Variants in SYTL5 observed in about 807,000 individuals in gnomAD.
SYTL5 encodes synaptotagmin like 5.
In SYTL5, 34 loss-of-function variants were observed where a neutral mutation model predicts 55.9. That is an observed-to-expected ratio of 0.61 (90% confidence interval 0.46 to 0.81). The LOEUF is 0.81. SYTL5 is among the 30% of genes least tolerant of loss of function. The pLI is 0.00. For synonymous variants in SYTL5, 221 were observed against 188.7 expected (o/e 1.17, Z -1.40); for missense variants, 637 against 546.7 (o/e 1.17, Z -1.65).
chrX:38,062,751 A>G (rs1477417894), intron 3 of SYTL5, among the ~76,000 whole-genome samples: 1 of 111,893 alleles, frequency 8.9e-6, no homozygotes, highest in Non-Finnish European at 1.9e-5. Flanking sequence ...TAAACAAAAC[A>G]AGAACACTTT....
chrX:37,942,016 C>T, the SYTL5 span, among the ~76,000 whole-genome samples: 1 of 111,461 alleles, frequency 9.0e-6, no homozygotes, highest in African/African-American at 3.3e-5. Context: ...CATTAAAAGT[C>T]GTTAGTGGTA....
At position 38,126,842 on chromosome X, in the gene SYTL5, T is replaced by C; in HGVS notation, c.*112T>C. On this transcript the variant is annotated 3_prime_UTR_variant, in exon 17 of 17. Transcript: ENST00000297875. ...TTCCCTGCCATTTCTCACCTGACAG[T>C]GTTGGGACATGAGGGGAGAGATGTC... is the stretch of plus-strand genomic sequence containing the variant. 3 of 794,520 alleles carry C rather than the reference T, an allele frequency of 3.8e-6. No homozygotes were observed. Among genetic ancestry groups the C allele is most frequent in the Non-Finnish European group, 5.3e-6 (3 of 565,216 alleles). 65.5% of individuals were successfully genotyped at this position (794,520 alleles called of 1,213,427 possible).
chrX:37,988,045 A>G, the SYTL5 span, among the ~76,000 whole-genome samples: 3 of 112,123 alleles, frequency 2.7e-5, no homozygotes, highest in Non-Finnish European at 3.8e-5. Flanking sequence ...GTTGCCTTAT[A>G]TGGAAAAAGA....
At chrX:37,978,055 C>T in the SYTL5 span, among the ~76,000 whole-genome samples, 2 of 111,485 alleles carry the variant, frequency 1.8e-5, no homozygotes, top group African/African-American at 6.5e-5. Flanking sequence ...CTAGTGCAAT[C>T]ACATTTTTGA....
intron 13 of SYTL5, among the ~76,000 whole-genome samples, chrX:38,119,098 G>A (rs1441221336): frequency 9.1e-6 from 1 of 109,819 alleles, no homozygotes; most frequent in Admixed American, 9.7e-5. Context: ...ACAGGCATGA[G>A]CCACTACACC....
chrX:38,099,170 T>C (rs73632459), intron 9 of SYTL5, among the ~76,000 whole-genome samples: 26 of 111,172 alleles, frequency 2.3e-4, no homozygotes, highest in African/African-American at 8.4e-4. Flanking sequence ...TATAAAGTTG[T>C]GGGAGAAAAA....
chrX:37,991,930 A>C, the SYTL5 span, among the ~76,000 whole-genome samples: 1 of 112,344 alleles, frequency 8.9e-6, no homozygotes, highest in Admixed American at 9.4e-5. Context: ...TCCTCTCTTC[A>C]GGACACTGGT....
chrX:37,908,584 T>A, the SYTL5 span, among the ~76,000 whole-genome samples: 3 of 111,745 alleles, frequency 2.7e-5, no homozygotes, highest in Non-Finnish European at 5.6e-5. Context: ...CGTATCAATG[T>A]TCTGGCCAAG....
rs760067705 is a variant in SYTL5 at position 38,033,915 on chromosome X, A to G, written c.26A>G (p.Asn9Ser). 5.0e-6 allele frequency: 6 copies of G among 1,192,663 alleles called. No individual in the cohort carries two copies. In the Admixed American group the frequency reaches 1.3e-4, roughly 26 times the overall value. MSKNSEFI[N>S]LSFLLDHEKE... ...ATGTCTAAGAACTCAGAGTTCATCA[A>G]TCTGTCATTTTTATTAGATCATGAG... is the stretch of plus-strand genomic sequence containing the variant. The change falls in exon 2 of 17, where the codon AAT becomes AGT. Residue 9 changes from asparagine to serine, a missense_variant. By Grantham distance (46) the Asn-to-Ser change is conservative. Transcript: ENST00000297875.
At chrX:37,894,795 A>T in the SYTL5 span, among the ~76,000 whole-genome samples, 1 of 64,156 alleles carries the variant, frequency 1.6e-5, no homozygotes, top group Non-Finnish European at 2.9e-5. Context: ...AAAAAGGTGG[A>T]GGAAGGGTGA....
intron 1 of SYTL5, among the ~76,000 whole-genome samples, chrX:38,019,225 A>G (rs1934459670): frequency 8.9e-6 from 1 of 112,298 alleles, no homozygotes; most frequent in Non-Finnish European, 1.9e-5. Flanking sequence ...CTAAGAAAAC[A>G]TTCCTGAAGA....
chrX:37,969,749 T>G, the SYTL5 span, among the ~76,000 whole-genome samples: 1 of 111,253 alleles, frequency 9.0e-6, no homozygotes, highest in Non-Finnish European at 1.9e-5. Flanking sequence ...TCTCCAAGCC[T>G]CAGCCTCCTG....
At chrX:37,985,849 A>G in the SYTL5 span, among the ~76,000 whole-genome samples, 4 of 112,006 alleles carry the variant, frequency 3.6e-5, no homozygotes, top group African/African-American at 1.3e-4. Context: ...AATCAAATTG[A>G]GAGTCCAGAA....
At chrX:38,034,800 T>C (rs984916433) in intron 2 of SYTL5, among the ~76,000 whole-genome samples, 3 of 111,926 alleles carry the variant, frequency 2.7e-5, no homozygotes, top group African/African-American at 9.8e-5. Context: ...TCCACTGTGA[T>C]TGGCTGCTGC....
chrX:38,108,713 G>T lies in SYTL5; in HGVS notation c.1434+14G>T, dbSNP rs976692747. On this transcript the variant is annotated intron_variant, in intron 12 of 16. Coordinates refer to ENST00000297875, the MANE Select transcript of SYTL5 (RefSeq NM_138780.3). ...GAAACACTAAAGGTAAATAAATACG[G>T]TCTCATAGTAACTCATGTGGTACTG... 4 of 1,075,902 alleles carry T rather than the reference G, an allele frequency of 3.7e-6. No individual in the cohort carries two copies. Among genetic ancestry groups the T allele is most frequent in the Non-Finnish European group, 5.1e-6 (4 of 782,803 alleles). The allele number at this position is 1,075,902 out of a possible 1,213,427, so 88.7% of individuals were successfully genotyped here. A position where few individuals can be genotyped will look rare whatever the true frequency, so the allele number is the denominator to read the frequency against.
chrX:37,984,602 T>C, the SYTL5 span, among the ~76,000 whole-genome samples: 13 of 111,388 alleles, frequency 1.2e-4, no homozygotes, highest in African/African-American at 4.2e-4. Context: ...TACAAAATAA[T>C]GGAAAAGGAG....
intron 9 of SYTL5, among the ~76,000 whole-genome samples, chrX:38,098,574 A>G (rs1411754048): frequency 9.0e-6 from 1 of 110,607 alleles, no homozygotes; most frequent in Non-Finnish European, 1.9e-5. Context: ...GAGAAATTGG[A>G]ACCCCCCTAC....
intron 6 of SYTL5, among the ~76,000 whole-genome samples, chrX:38,088,215 C>A (rs1160750753): frequency 1.8e-5 from 2 of 111,371 alleles, no homozygotes; most frequent in African/African-American, 6.5e-5. Flanking sequence ...TATTCTTCTG[C>A]CTGATTTATC....
chrX:38,114,301 C>T (rs1937432474), intron 13 of SYTL5, among the ~76,000 whole-genome samples: 1 of 111,916 alleles, frequency 8.9e-6, no homozygotes, highest in Non-Finnish European at 1.9e-5. Context: ...ATCATGTCTC[C>T]CATCCTTTAA....
Sources: gnomAD v4.1 joint callset for allele counts (sites outside exome capture counted in the v4.1 genomes callset) on GRCh38, gnomAD v4.1.1 for gene constraint, MANE v1.5 for transcripts, NCBI Gene and HGNC (gene_info 2026-07-23, HGNC 2026-07-21) for gene names.